The following ZBTB44 variants were observed in gnomAD, a reference collection of about 807,000 sequenced individuals.
ZBTB44 encodes the protein zinc finger and BTB domain-containing protein 44.
A neutral mutation model predicts 54.0 loss-of-function variants in ZBTB44; 15 were observed. The ratio of observed to expected loss-of-function variants is 0.28; its 90% CI spans 0.19 to 0.43. The LOEUF is 0.43. Among genes scored for constraint, ZBTB44 ranks in the 20% least tolerant of loss-of-function variants. ZBTB44 has a pLI of 1.00. For missense variants in ZBTB44, 487 were observed against 707.1 expected (o/e 0.69, Z 3.53); for synonymous variants, 230 against 250.1 (o/e 0.92, Z 0.76).
chr11:130,276,364 TGTCA>T (rs1182433159), intron 1 of ZBTB44, among the ~76,000 whole-genome samples: 2 of 151,998 alleles, frequency 1.3e-5, no homozygotes, highest in African/African-American at 4.8e-5. Flanking sequence ...GTTCCATAGA[TGTCA>T]GTTAGGTCTA....
Position 130,260,841 on chromosome 11 carries a change from C to T in ZBTB44, c.1018+15G>A, listed in dbSNP as rs746548553. On this transcript the variant is annotated intron_variant, in intron 2 of 7. Coordinates refer to ENST00000357899, the MANE Select transcript of ZBTB44 (RefSeq NM_001301098.2). The stretch of plus-strand genomic sequence containing the variant: ...TGACTTTATAGCACCAAGAAAAACA[C>T]AGAAGGCATTATACCTATAGAGGAA... The T allele has an allele frequency of 8.8e-5, 139 of 1,573,236 alleles. No individual in the cohort carries two copies. The highest frequency in any genetic ancestry group is 9.2e-5 in the Non-Finnish European group (107 of 1,163,352).
intron 2 of ZBTB44, among the ~76,000 whole-genome samples, chr11:130,242,309 C>A (rs1427068755): frequency 6.6e-6 from 1 of 152,194 alleles, no homozygotes; most frequent in Non-Finnish European, 1.5e-5. Flanking sequence ...CCATTTCCCA[C>A]CACTTCCATC....
intron 1 of ZBTB44, among the ~76,000 whole-genome samples, chr11:130,295,084 C>G (rs1276566101): frequency 6.6e-6 from 1 of 151,976 alleles, no homozygotes; most frequent in Non-Finnish European, 1.5e-5. Flanking sequence ...AATGTCTCAC[C>G]TGCCAATGAA....
intron 2 of ZBTB44, among the ~76,000 whole-genome samples, chr11:130,241,550 C>T (rs1954361979): frequency 6.6e-6 from 1 of 152,126 alleles, no homozygotes; most frequent in South Asian, 2.1e-4. Context: ...TTGTGAAATG[C>T]CAGAGTTGTC....
At position 130,233,113 on chromosome 11, in the gene ZBTB44, A is replaced by G. The variant is rs1165574114; in HGVS notation, c.*48+195T>C. 7.3e-6 allele frequency: 4 copies of G among 544,412 alleles called. No homozygotes were observed. In the South Asian group the frequency reaches 8.5e-5, roughly 12 times the overall value. 33.7% of individuals were successfully genotyped at this position (544,412 alleles called of 1,614,324 possible). The stretch of plus-strand genomic sequence containing the variant: ...AACAACACATAAACCTATATATAAA[A>G]TATAGAATATCTCCAGTATTTTTAC... On this transcript the variant is annotated intron_variant, in intron 7 of 7. Transcript: ENST00000357899.
Position 130,261,916 on chromosome 11 carries a change from A to G in ZBTB44, c.-43T>C. On this transcript the variant is annotated 5_prime_UTR_variant, in exon 2 of 8. Transcript: ENST00000357899. This position sits in a 1 kb window ranked among gnomAD's most constrained non-coding sequence, Gnocchi z 4.8. Reference sequence around the variant, plus strand: ...ACAGATGCTCTTCAAGGATGCAAATAAATCAGAAATGTCCTAAAAAATACA... The same window carrying G: ...ACAGATGCTCTTCAAGGATGCAAATGAATCAGAAATGTCCTAAAAAATACA... 2.0e-6 allele frequency: 3 copies of G among 1,521,830 alleles called. No homozygotes were observed. The highest frequency in any genetic ancestry group is 2.6e-6 in the Non-Finnish European group (3 of 1,137,582). The allele number at this position is 1,521,830 out of a possible 1,614,324, so 94.3% of individuals were successfully genotyped here.
At chr11:130,236,223 A>ATCAGAAAGGTAAT (rs1489269732) in intron 5 of ZBTB44, 8 of 1,282,850 alleles carry the variant, frequency 6.2e-6, no homozygotes, top group Non-Finnish European at 8.1e-6. Context: ...TGCCCTATAA[A>ATCAGAAAGGTAAT]TCAGAAAGGT....
At chr11:130,255,919 A>C (rs1675542) in intron 2 of ZBTB44, among the ~76,000 whole-genome samples, 89,336 of 131,182 alleles carry the variant, frequency 0.68, 31,638 homozygotes, top group Non-Finnish European at 0.77. Context: ...AAAAAAAAAA[A>C]AACACCCCTT....
intron 1 of ZBTB44, among the ~76,000 whole-genome samples, chr11:130,307,604 C>A (rs370385706): frequency 6.6e-6 from 1 of 152,050 alleles, no homozygotes; most frequent in Non-Finnish European, 1.5e-5. Context: ...TACAATCATG[C>A]GTGGCATGTG....
chr11:130,271,026 T>C (rs773686258), intron 1 of ZBTB44, among the ~76,000 whole-genome samples: 2 of 152,170 alleles, frequency 1.3e-5, no homozygotes, highest in African/African-American at 2.4e-5. Flanking sequence ...TTGGAGCAGA[T>C]AGAGCAAAAG....
chr11:130,261,309 C>G lies in ZBTB44; in HGVS notation c.565G>C (p.Val189Leu). 5.6e-6 allele frequency: 9 copies of G among 1,613,860 alleles called. No homozygotes were observed. The highest frequency in any genetic ancestry group is 7.6e-6 in the Non-Finnish European group (9 of 1,179,882). ...TTTACAGGACTTTCAGGAGACATAA[C>G]AATGTAGCTTTTGCGCTTTCTCCGG... Reference protein sequence around the residue: ...ESRRKRKSYIVMSPESPVKCG... With the variant: ...ESRRKRKSYILMSPESPVKCG... The change falls in exon 2 of 8, where the codon GTT becomes CTT. Residue 189 changes from valine to leucine, a missense_variant. Physicochemically the swap from Val to Leu is conservative, Grantham distance 32 (BLOSUM62 1). Around this residue, in one of 3 missense-constraint regions of ZBTB44, gnomAD observed 277 missense variants for 306.5 expected, o/e 0.90. Coordinates refer to ENST00000357899, the MANE Select transcript of ZBTB44 (RefSeq NM_001301098.2). This position sits in a 1 kb window ranked among gnomAD's most constrained non-coding sequence, Gnocchi z 4.8.
At chr11:130,262,206 C>G (rs995549429) in intron 1 of ZBTB44, among the ~76,000 whole-genome samples, 5 of 152,102 alleles carry the variant, frequency 3.3e-5, no homozygotes, top group African/African-American at 1.2e-4. Context: ...GCGGGGTGGT[C>G]TTGGCTCACT....
At chr11:130,273,855 GGC>G (rs1003625243) in intron 1 of ZBTB44, among the ~76,000 whole-genome samples, 5 of 151,968 alleles carry the variant, frequency 3.3e-5, no homozygotes, top group Admixed American at 3.3e-4. Flanking sequence ...GATCACTTGA[GGC>G]CAGGAGTTCG....
intron 1 of ZBTB44, among the ~76,000 whole-genome samples, chr11:130,292,660 A>G (rs1294650106): frequency 6.6e-6 from 1 of 152,222 alleles, no homozygotes; most frequent in Non-Finnish European, 1.5e-5. Flanking sequence ...TGCAAATGAT[A>G]AACAAAACAT....
intron 1 of ZBTB44, among the ~76,000 whole-genome samples, chr11:130,306,921 G>A (rs541914663): frequency 6.6e-6 from 1 of 151,840 alleles, no homozygotes; most frequent in South Asian, 2.1e-4. Context: ...AGGGATAAAA[G>A]ACTACACATT....
At chr11:130,248,650 C>G (rs1056948181) in intron 2 of ZBTB44, among the ~76,000 whole-genome samples, 1 of 151,902 alleles carries the variant, frequency 6.6e-6, no homozygotes, top group African/African-American at 2.4e-5. Flanking sequence ...CAAAAAACCA[C>G]AAAAACAAAA....
At chr11:130,250,330 G>A (rs1739298431) in intron 2 of ZBTB44, among the ~76,000 whole-genome samples, 1 of 152,224 alleles carries the variant, frequency 6.6e-6, no homozygotes, top group African/African-American at 2.4e-5. Context: ...GCGGCTGTGG[G>A]CGCAGCTTCA....
At chr11:130,306,954 G>T (rs1278513898) in intron 1 of ZBTB44, among the ~76,000 whole-genome samples, 1 of 150,940 alleles carries the variant, frequency 6.6e-6, no homozygotes, top group Non-Finnish European at 1.5e-5. Flanking sequence ...CACTGCTCAG[G>T]TGACGGGTGC....
chr11:130,264,177 A>C (rs1939080110), intron 1 of ZBTB44, among the ~76,000 whole-genome samples: 1 of 152,244 alleles, frequency 6.6e-6, no homozygotes. Context: ...TGAGGATTAA[A>C]TGACCTAATA....
Sources: gnomAD v4.1 joint callset for allele counts (sites outside exome capture counted in the v4.1 genomes callset) on GRCh38, gnomAD v4.1.1 for gene constraint, gnomAD v4.1.1 regional missense constraint, Gnocchi (gnomAD v3.1) non-coding constraint, MANE v1.5 for transcripts, NCBI Gene and HGNC (gene_info 2026-07-23, HGNC 2026-07-21) for gene names.